Variants in MYO3B observed in about 807,000 individuals in gnomAD.
The protein encoded by MYO3B is myosin-IIIb.
A neutral mutation model predicts 174.6 loss-of-function variants in MYO3B; 156 were observed. The observed-to-expected ratio is 0.89, with a 90% CI of 0.78 to 1.02. The LOEUF is 1.02. MYO3B is among the 50% of genes least tolerant of loss of function. MYO3B has a pLI of 0.00. For missense variants in MYO3B, 1,632 were observed against 1,639.4 expected, an observed-to-expected ratio of 1.00 and a Z score of 0.08; for synonymous variants, 563 against 569.1, an observed-to-expected ratio of 0.99 and a Z score of 0.15.
chr2:170,537,200 C>CAAAAA (rs1195145091), intron 30 of MYO3B, among the ~76,000 whole-genome samples: 2 of 15,656 alleles, frequency 1.3e-4, no homozygotes, highest in Non-Finnish European at 1.5e-4. Flanking sequence ...GACTCTGTCT[C>CAAAAA]AAAAAAAAAA....
At chr2:170,550,610 C>T (rs1473001258) in intron 32 of MYO3B, among the ~76,000 whole-genome samples, 1 of 152,172 alleles carries the variant, frequency 6.6e-6, no homozygotes, top group Non-Finnish European at 1.5e-5. Context: ...TATTGAGCAC[C>T]TACTATATGT....
At chr2:170,501,463 G>T (rs540946518) in intron 27 of MYO3B, among the ~76,000 whole-genome samples, 1 of 152,218 alleles carries the variant, frequency 6.6e-6, no homozygotes, top group African/African-American at 2.4e-5. Flanking sequence ...TGAAGACAGG[G>T]CTTTCTCCAG....
At chr2:170,583,712 GCTAGTATCTAAAATAT>G (rs1331778816) in intron 32 of MYO3B, among the ~76,000 whole-genome samples, 1 of 152,060 alleles carries the variant, frequency 6.6e-6, no homozygotes. Flanking sequence ...TTTTAAGTAG[GCTAGTATCTAAAATAT>G]CTAGTATCTA....
intron 30 of MYO3B, among the ~76,000 whole-genome samples, chr2:170,536,270 T>C (rs1387509758): frequency 1.3e-5 from 2 of 152,254 alleles, no homozygotes; most frequent in African/African-American, 4.8e-5. Context: ...CTTAGAGCAA[T>C]GGCATTATGA....
In MYO3B at chr2:170,281,446, G is replaced by T. The variant is rs114437702; in HGVS notation, c.749+45310G>T. The stretch of plus-strand genomic sequence containing the variant: ...TTGGACCACAGTGCAATAAAAATAG[G>T]ATTCAAGACTAAGCAAATTGCTCAA... On this transcript the variant is annotated intron_variant, in intron 7 of 34. Transcript: ENST00000408978. 4.8e-3 allele frequency among the ~76,000 whole-genome samples: 736 copies of T among 152,154 alleles called. 10 individuals are homozygous for T. The highest frequency in any genetic ancestry group is 0.016 in the African/African-American group (684 of 41,516).
chr2:170,491,582 T>A (rs544118833), intron 25 of MYO3B, among the ~76,000 whole-genome samples: 3 of 152,134 alleles, frequency 2.0e-5, no homozygotes, highest in Non-Finnish European at 4.4e-5. Context: ...CCCGCCACCA[T>A]GCCCGGCTAA....
intron 32 of MYO3B, among the ~76,000 whole-genome samples, chr2:170,596,273 T>C (rs559244687): frequency 6.6e-6 from 1 of 152,314 alleles, no homozygotes; most frequent in South Asian, 2.1e-4. Flanking sequence ...TCAAGTCCCA[T>C]CACAACCTTT....
intron 7 of MYO3B, among the ~76,000 whole-genome samples, chr2:170,245,035 C>T (rs763144329): frequency 3.3e-5 from 5 of 152,130 alleles, no homozygotes; most frequent in African/African-American, 7.2e-5. Context: ...GGGGGATAAT[C>T]GTGTTGGTAT....
Position 170,300,950 on chromosome 2 carries a change from G to A in MYO3B, c.750-34435G>A, listed in dbSNP as rs1478734152. The stretch of plus-strand genomic sequence containing the variant: ...TCAGGAAGAGGTGCTGAATTACAAA[G>A]GGAGTTTAGTTAGTTAGTTGATGAA... On this transcript the variant is annotated intron_variant, in intron 7 of 34. Transcript: ENST00000408978. Among the ~76,000 whole-genome samples the A allele has an allele frequency of 2.6e-5, 4 of 152,180 alleles. No homozygotes were observed. In the East Asian group the frequency reaches 7.7e-4, roughly 29 times the overall value.
At chr2:170,386,328 A>G (rs1354855894) in intron 13 of MYO3B, 56 bp downstream of exon 13, 19 of 1,416,836 alleles carry the variant, frequency 1.3e-5, no homozygotes, top group Middle Eastern at 1.8e-4. Context: ...GAGTAACTGC[A>G]TATTTGATAA....
intron 29 of MYO3B, among the ~76,000 whole-genome samples, chr2:170,518,477 A>G (rs1440578324): frequency 6.6e-6 from 1 of 152,204 alleles, no homozygotes; most frequent in African/African-American, 2.4e-5. Context: ...CCCTGGCCAC[A>G]TATTAAAATT....
chr2:170,202,376 T>C (rs1182633889), intron 3 of MYO3B, among the ~76,000 whole-genome samples: 1 of 152,178 alleles, frequency 6.6e-6, no homozygotes, highest in African/African-American at 2.4e-5. Context: ...ATGGGCAGTC[T>C]AAACCAGGCT....
In MYO3B at chr2:170,516,599, C is replaced by T. The variant is rs138995156; in HGVS notation, c.3472+1577C>T. Reference sequence around the variant, plus strand: ...CAGAGCTTGCAGTGAGCCGAGATCGCGCCACTGAACTACAGCCTGGGCAAC... The same window carrying T: ...CAGAGCTTGCAGTGAGCCGAGATCGTGCCACTGAACTACAGCCTGGGCAAC... On this transcript the variant is annotated intron_variant, in intron 29 of 34. Coordinates refer to ENST00000408978, the MANE Select transcript of MYO3B (RefSeq NM_138995.5). Among the ~76,000 whole-genome samples the T allele has an allele frequency of 9.4e-3, 1,404 of 149,806 alleles. 46 individuals are homozygous for T. In the East Asian group the frequency reaches 0.1, roughly 11 times the overall value.
At chr2:170,501,763 G>A (rs368663835) in intron 27 of MYO3B, 22 bp from the exon 28 acceptor site, 3 of 1,531,750 alleles carry the variant, frequency 2.0e-6, no homozygotes, top group African/African-American at 2.7e-5. Context: ...GTCATTCCTA[G>A]CACATGGTTT....
At chr2:170,370,211 A>G (rs1332391953) in intron 9 of MYO3B, among the ~76,000 whole-genome samples, 1 of 152,206 alleles carries the variant, frequency 6.6e-6, no homozygotes, top group Non-Finnish European at 1.5e-5. Flanking sequence ...CATTATTATT[A>G]AAAGAACATT....
chr2:170,381,598 A>G (rs1021475773), intron 9 of MYO3B, among the ~76,000 whole-genome samples: 4 of 152,250 alleles, frequency 2.6e-5, no homozygotes, highest in Admixed American at 2.0e-4. Context: ...GTTAAAAACT[A>G]TCACAAAAGT....
chr2:170,447,838 G>A (rs1383342264), intron 23 of MYO3B, among the ~76,000 whole-genome samples: 2 of 152,226 alleles, frequency 1.3e-5, no homozygotes, highest in Non-Finnish European at 2.9e-5. Context: ...TCAATCAGGA[G>A]TTCTGATTGG....
At chr2:170,242,802 C>T (rs1296965096) in intron 7 of MYO3B, among the ~76,000 whole-genome samples, 1 of 152,170 alleles carries the variant, frequency 6.6e-6, no homozygotes. Flanking sequence ...TTCCAACCCA[C>T]CTCCTAAATG....
chr2:170,618,525 G>T (rs1237076785), intron 32 of MYO3B, among the ~76,000 whole-genome samples: 1 of 152,140 alleles, frequency 6.6e-6, no homozygotes, highest in Non-Finnish European at 1.5e-5. Flanking sequence ...TCTCGTTGTT[G>T]CATGCATCTT....
Sources: gnomAD v4.1 joint callset for allele counts (sites outside exome capture counted in the v4.1 genomes callset) on GRCh38, gnomAD v4.1.1 for gene constraint, MANE v1.5 for transcripts, NCBI Gene and HGNC (gene_info 2026-07-23, HGNC 2026-07-21) for gene names.